Variants in TTBK1 observed in about 807,000 individuals in gnomAD.
TTBK1 encodes the protein tau-tubulin kinase 1.
Under a neutral mutation model 108.5 loss-of-function variants are expected in TTBK1, and 34 were observed. That is an observed-to-expected ratio of 0.31 (90% CI 0.24 to 0.42). The LOEUF (loss-of-function observed/expected upper bound fraction) is 0.42, where lower values mean the gene tolerates loss of function less well. Ranked by LOEUF, TTBK1 falls within the 10% of genes least tolerant of loss-of-function variation. The pLI is 1.00. For missense variants in TTBK1, 1,539 were observed against 1,826.0 expected, an observed-to-expected ratio of 0.84 and a Z score of 2.86; for synonymous variants, 809 against 795.1, an observed-to-expected ratio of 1.02 and a Z score of -0.29.
chr6:43,247,933 G>GA (rs1554184752), intron 2 of TTBK1: 1,628 of 51,918 alleles, frequency 0.031, 18 homozygotes, highest in African/African-American at 0.041. Context: ...ATGTCCCAGA[G>GA]GGGGACTTCC....
At chr6:43,256,218 C>T (rs1017934068) in intron 9 of TTBK1, among the ~76,000 whole-genome samples, 1 of 151,750 alleles carries the variant, frequency 6.6e-6, no homozygotes, top group Non-Finnish European at 1.5e-5. Context: ...TCACTGCAAC[C>T]TCTGCCTCCT....
chr6:43,262,847 C>G lies in TTBK1; in HGVS notation c.1483C>G (p.Gln495Glu). 1 of 1,607,932 alleles carries G rather than the reference C, an allele frequency of 6.2e-7. No homozygotes were observed. Among genetic ancestry groups the G allele is most frequent in the South Asian group, 1.1e-5 (1 of 90,516 alleles). Reference protein sequence around the residue: ...SRQACSSQPAQMLSVDTGHAD... With the variant: ...SRQACSSQPAEMLSVDTGHAD... The stretch of plus-strand genomic sequence containing the variant: ...CCAGGCCTGCTCCTCTCAGCCAGCC[C>G]AGATGCTGTCAGTGGACACAGGCCA... The change falls in exon 13 of 15, where the codon CAG (glutamine) becomes GAG (glutamate). Residue 495 changes from glutamine to glutamate, a missense_variant. Gln to Glu is a conservative substitution (Grantham distance 29, BLOSUM62 2). Around this residue, in one of 5 missense-constraint regions of TTBK1, gnomAD observed 277 missense variants for 332.4 expected, o/e 0.83. Transcript: ENST00000259750.
In TTBK1 at chr6:43,283,815, C is replaced by T. The variant is rs1436961333; in HGVS notation, c.3075C>T (p.Ala1025=). ...GCCCGGCCCTTGCAGACGGGCCAGCCCCGGTGTCCCCGCTGGAGCCAAGCC... is the reference window on the plus strand; with the variant it reads ...GCCCGGCCCTTGCAGACGGGCCAGCTCCGGTGTCCCCGCTGGAGCCAAGCC... The part of the protein sequence containing the change: ...PNGPALADGP[A]PVSPLEPSPE... The change falls in exon 14 of 15, where the codon GCC becomes GCT. Residue 1025 remains alanine (A), a synonymous_variant. Coordinates refer to ENST00000259750, the MANE Select transcript of TTBK1 (RefSeq NM_032538.3). The surrounding 1 kb of genome is among the most constrained non-coding windows in gnomAD (Gnocchi z 8.1). 1 of 1,612,424 alleles carries T rather than the reference C, an allele frequency of 6.2e-7. No homozygotes were observed. The highest frequency in any genetic ancestry group is 2.2e-5 in the East Asian group (1 of 44,856).
chr6:43,244,324 G>A (rs1777033319), intron 1 of TTBK1, among the ~76,000 whole-genome samples: 1 of 152,066 alleles, frequency 6.6e-6, no homozygotes, highest in Non-Finnish European at 1.5e-5. Context: ...CACACCTGCT[G>A]ACACCTTGCA....
At chr6:43,258,029 G>GTCCTC in intron 10 of TTBK1, 63 bp downstream of exon 10, 4 of 1,554,684 alleles carry the variant, frequency 2.6e-6, no homozygotes, top group Non-Finnish European at 3.5e-6. Context: ...AGGGCAGGCG[G>GTCCTC]TCCTCTCCTC....
intron 13 of TTBK1, among the ~76,000 whole-genome samples, chr6:43,280,347 AG>A (rs1038371342): frequency 2.7e-4 from 41 of 152,214 alleles, no homozygotes; most frequent in African/African-American, 8.9e-4. Flanking sequence ...GGGGTTGGGG[AG>A]GGGGCCAATG....
intron 2 of TTBK1, among the ~76,000 whole-genome samples, chr6:43,249,517 T>C (rs1777182699): frequency 6.6e-6 from 1 of 152,078 alleles, no homozygotes; most frequent in Non-Finnish European, 1.5e-5. Flanking sequence ...TATATTAATA[T>C]TATATACTAG....
intron 12 of TTBK1, 106 bp from the exon 13 acceptor site, chr6:43,262,683 T>C: frequency 3.5e-6 from 4 of 1,153,606 alleles, no homozygotes; most frequent in South Asian, 3.3e-5. Flanking sequence ...GGAGGGGTAC[T>C]GCGGTCAGGA....
At chr6:43,244,227 GCCTCCCT>G (rs1260478019) in intron 1 of TTBK1, among the ~76,000 whole-genome samples, 2 of 151,036 alleles carry the variant, frequency 1.3e-5, no homozygotes, top group African/African-American at 2.4e-5. Context: ...ATTCCCCTCT[GCCTCCCT>G]CCACACCTCT....
At position 43,282,999 on chromosome 6, in the gene TTBK1, G is replaced by A. The variant is rs1468202938; in HGVS notation, c.2259G>A (p.Glu753=). The change falls in exon 14 of 15, where the codon GAG becomes GAA. Residue 753 remains glutamate, a synonymous_variant. Transcript: ENST00000259750. This position sits in a 1 kb window ranked among gnomAD's most constrained non-coding sequence, Gnocchi z 5.4. Reference sequence around the variant, plus strand: ...AAGAAGAGGATGAGGAAGAAGAAGAGGAGGAAGAGGAAGAGGAGGAGGAAG... The same window carrying A: ...AAGAAGAGGATGAGGAAGAAGAAGAAGAGGAAGAGGAAGAGGAGGAGGAAG... The part of the protein sequence containing the change: ...EEEEEDEEEE[E]EEEEEEEEEE... The A allele has an allele frequency of 5.6e-6, 9 of 1,599,990 alleles. No individual in the cohort carries two copies. Among genetic ancestry groups the A allele is most frequent in the Non-Finnish European group, 7.7e-6 (9 of 1,171,702 alleles).
At chr6:43,252,970 G>A in intron 3 of TTBK1, 84 bp downstream of exon 3, 1 of 1,514,404 alleles carries the variant, frequency 6.6e-7, no homozygotes, top group Non-Finnish European at 9.0e-7. Flanking sequence ...AAGCTGGGGT[G>A]AGGGAGGAGA....
chr6:43,272,290 C>T, intron 13 of TTBK1: 1 of 985,496 alleles, frequency 1.0e-6, no homozygotes, highest in Non-Finnish European at 1.2e-6. Flanking sequence ...ACCCTGAGCA[C>T]AGCTCCATCT....
rs1252006375 is a variant in TTBK1, at chr6:43,253,808, G to C, written c.471+100G>C. 7.0e-7 allele frequency: 1 copy of C among 1,431,060 alleles called. No individual in the cohort carries two copies. The highest frequency in any genetic ancestry group is 9.3e-7 in the Non-Finnish European group (1 of 1,073,422). The allele number at this position is 1,431,060 out of a possible 1,614,324, so 88.6% of individuals were successfully genotyped here. A position where few individuals can be genotyped will look rare whatever the true frequency, so the allele number is the denominator to read the frequency against. On this transcript the variant is annotated intron_variant, in intron 5 of 14. Transcript: ENST00000259750. This position sits in a 1 kb window ranked among gnomAD's most constrained non-coding sequence, Gnocchi z 5.8. The stretch of plus-strand genomic sequence containing the variant: ...GTTTCTCCTCTGCAACCATGGTTGG[G>C]ACTTGTGATGGGACAGCCTCTTCTC...
intron 10 of TTBK1, 115 bp downstream of exon 10, chr6:43,258,081 C>G (rs1269167590): frequency 8.1e-6 from 10 of 1,237,474 alleles, no homozygotes; most frequent in African/African-American, 1.5e-5. Flanking sequence ...TCTTTCCTAT[C>G]CTTAGTGGAG....
intron 13 of TTBK1, among the ~76,000 whole-genome samples, chr6:43,274,756 G>A (rs1180183416): frequency 6.6e-6 from 1 of 152,072 alleles, no homozygotes. Flanking sequence ...TCTCCCTAAG[G>A]GAAGGGCTCC....
In TTBK1 at chr6:43,259,200, G is replaced by A; in HGVS notation, c.1179G>A (p.Gly393=). The A allele has an allele frequency of 6.2e-7, 1 of 1,601,938 alleles. No homozygotes were observed. The highest frequency in any genetic ancestry group is 1.3e-5 in the African/African-American group (1 of 74,584). The stretch of plus-strand genomic sequence containing the variant: ...GTCCCCACCTTGTCCCCCACCCCGG[G>A]GGTCCTGAGGCTGAAGTCTGGGAGG... ...GPSPHLVPHP[G]GPEAEVWEET... Residue 393 remains glycine (G), a synonymous_variant, in exon 11 of 15, where the codon GGG becomes GGA. Coordinates refer to ENST00000259750, the MANE Select transcript of TTBK1 (RefSeq NM_032538.3). The surrounding 1 kb of genome is among the most constrained non-coding windows in gnomAD (Gnocchi z 6.7).
intron 10 of TTBK1, among the ~76,000 whole-genome samples, chr6:43,258,525 C>A (rs1037112393): frequency 1.3e-5 from 2 of 152,028 alleles, no homozygotes; most frequent in Non-Finnish European, 2.9e-5. Flanking sequence ...GAGTTGGTAG[C>A]ACATTACAGT....
At chr6:43,251,907 T>C (rs1562082639) in intron 2 of TTBK1, among the ~76,000 whole-genome samples, 1 of 152,006 alleles carries the variant, frequency 6.6e-6, no homozygotes, top group East Asian at 1.9e-4. Context: ...CCACATACTC[T>C]CTCCTTCTTG....
Position 43,283,987 on chromosome 6 carries a change from G to T in TTBK1, c.3247G>T (p.Ala1083Ser), listed in dbSNP as rs763465541. ...GGCCAAAGAGCGGTGGAGCAAGCGG[G>T]CTCGGCCGCAGCAGGACCTGGCGCG... ...LSAKERWSKR[A>S]RPQQDLARLV... Residue 1083 changes from alanine (A) to serine (S), a missense_variant, in exon 14 of 15, where the codon GCT (alanine) becomes TCT (serine). Around this residue, in one of 5 missense-constraint regions of TTBK1, gnomAD observed 1,055 missense variants for 1,086.5 expected, o/e 0.97. Coordinates refer to ENST00000259750, the MANE Select transcript of TTBK1 (RefSeq NM_032538.3). This position sits in a 1 kb window ranked among gnomAD's most constrained non-coding sequence, Gnocchi z 8.1. The T allele has an allele frequency of 2.2e-5, 35 of 1,606,338 alleles. No individual in the cohort carries two copies. Among genetic ancestry groups the T allele is most frequent in the Non-Finnish European group, 3.0e-5 (35 of 1,176,468 alleles).
Sources: gnomAD v4.1 joint callset for allele counts (sites outside exome capture counted in the v4.1 genomes callset) on GRCh38, gnomAD v4.1.1 for gene constraint, gnomAD v4.1.1 regional missense constraint, Gnocchi (gnomAD v3.1) non-coding constraint, MANE v1.5 for transcripts, NCBI Gene and HGNC (gene_info 2026-07-23, HGNC 2026-07-21) for gene names.